Variants in RIMS2 observed in about 807,000 individuals in gnomAD.
RIMS2 encodes the protein regulating synaptic membrane exocytosis protein 2.
In RIMS2, 59 loss-of-function variants were observed where a neutral mutation model predicts 174.4. The observed-to-expected ratio is 0.34, with a 90% CI of 0.27 to 0.42. The LOEUF is 0.42. Ranked by LOEUF, RIMS2 falls within the 10% of genes least tolerant of loss-of-function variation. RIMS2 has a pLI of 1.00. For missense variants in RIMS2, 1,620 were observed against 1,666.3 expected, an observed-to-expected ratio of 0.97 and a Z score of 0.48; for synonymous variants, 606 against 572.5, an observed-to-expected ratio of 1.06 and a Z score of -0.84.
intron 1 of RIMS2, among the ~76,000 whole-genome samples, chr8:103,520,763 G>A (rs1194084983): frequency 6.6e-6 from 1 of 151,972 alleles, no homozygotes; most frequent in African/African-American, 2.4e-5. Context: ...CGAAATAATA[G>A]TATTCTTAAG....
chr8:103,510,277 A>T (rs13257474), intron 1 of RIMS2, among the ~76,000 whole-genome samples: 27,668 of 152,090 alleles, frequency 0.18, 2,762 homozygotes, highest in African/African-American at 0.26. Flanking sequence ...GCTCACATTC[A>T]TCTTGTTTTG....
chr8:103,666,965 T>C (rs2096678362), intron 1 of RIMS2, among the ~76,000 whole-genome samples: 1 of 152,150 alleles, frequency 6.6e-6, no homozygotes, highest in African/African-American at 2.4e-5. Flanking sequence ...ATTCTATAGA[T>C]GACTGTATGC....
chr8:103,538,025 G>A (rs1174484712), intron 1 of RIMS2, among the ~76,000 whole-genome samples: 1 of 152,068 alleles, frequency 6.6e-6, no homozygotes. Context: ...GTTTACTGTA[G>A]TATGAGATAT....
chr8:104,223,574 A>C, intron 19 of RIMS2: 1 of 1,471,152 alleles, frequency 6.8e-7, no homozygotes, highest in African/African-American at 1.4e-5. Flanking sequence ...CTGGTCCCGG[A>C]ACCGCTGCGG....
intron 1 of RIMS2, among the ~76,000 whole-genome samples, chr8:103,503,730 A>G (rs1178321074): frequency 6.6e-6 from 1 of 152,026 alleles, no homozygotes; most frequent in Non-Finnish European, 1.5e-5. Flanking sequence ...TTAAGTATTC[A>G]TGCAAAGTGG....
chr8:104,014,705 C>A, intron 19 of RIMS2, 90 bp downstream of exon 21: 1 of 692,380 alleles, frequency 1.4e-6, no homozygotes, highest in South Asian at 1.9e-5. Flanking sequence ...TGTTAATTTT[C>A]TTCTTTTGTT....
intron 19 of RIMS2, among the ~76,000 whole-genome samples, chr8:104,119,793 C>T (rs1354339474): frequency 1.3e-5 from 2 of 152,160 alleles, no homozygotes; most frequent in South Asian, 4.1e-4. Flanking sequence ...GCTGCAGTCT[C>T]ACTCAAAATA....
intron 2 of RIMS2, among the ~76,000 whole-genome samples, chr8:103,717,138 C>CTTTTTTTTTTTTTTTTTTTTTTT (rs11373218): frequency 8.8e-6 from 1 of 113,108 alleles, no homozygotes. Context: ...ATAGTGCCTT[C>CTTTTTTTTTTTTTTTTTTTTTTT]TTTTTTTTTT....
intron 3 of RIMS2, among the ~76,000 whole-genome samples, chr8:103,802,428 C>A (rs564582420): frequency 3.9e-4 from 59 of 152,116 alleles, no homozygotes; most frequent in Non-Finnish European, 4.4e-5. Context: ...GCTGACTTCT[C>A]ACCCACCTTT....
At chr8:104,196,823 T>C (rs1230971524) in intron 19 of RIMS2, among the ~76,000 whole-genome samples, 1 of 152,154 alleles carries the variant, frequency 6.6e-6, no homozygotes, top group African/African-American at 2.4e-5. Context: ...AAGTTTTAAG[T>C]TGCAAAAAAG....
chr8:103,837,314 T>A (rs554778379), intron 3 of RIMS2, among the ~76,000 whole-genome samples: 3 of 152,262 alleles, frequency 2.0e-5, no homozygotes, highest in Non-Finnish European at 4.4e-5. Flanking sequence ...TTCGCAGTTA[T>A]GCACTGATGT....
At chr8:103,952,540 G>A (rs1477905453) in intron 14 of RIMS2, among the ~76,000 whole-genome samples, 5 of 152,170 alleles carry the variant, frequency 3.3e-5, no homozygotes, top group South Asian at 2.1e-4. Flanking sequence ...GAAGGAAACC[G>A]ACAAACAGAA....
intron 19 of RIMS2, among the ~76,000 whole-genome samples, chr8:104,173,720 C>T (rs2098846636): frequency 6.9e-6 from 1 of 143,906 alleles, no homozygotes; most frequent in Admixed American, 7.1e-5. Context: ...GCTCCACCTC[C>T]CGGGTTCACG....
chr8:104,163,801 T>A (rs535554198), intron 19 of RIMS2, among the ~76,000 whole-genome samples: 2 of 152,306 alleles, frequency 1.3e-5, no homozygotes, highest in Admixed American at 1.3e-4. Flanking sequence ...GCTTTTTACT[T>A]GAAATTTCAT....
chr8:103,834,676 TTTTCTTTCTTTCTTTCTTTCTTTC>T (rs71297240), intron 3 of RIMS2, among the ~76,000 whole-genome samples: 9,318 of 120,014 alleles, frequency 0.078, 483 homozygotes, highest in East Asian at 0.24. Flanking sequence ...TCTGAGGTCT[TTTTCTTTCTTTCTTTCTTTCTTTC>T]TTTCTTTCTT....
intron 2 of RIMS2, among the ~76,000 whole-genome samples, chr8:103,713,361 A>C (rs982044941): frequency 6.6e-6 from 1 of 152,074 alleles, no homozygotes; most frequent in Non-Finnish European, 1.5e-5. Flanking sequence ...AATACATTAG[A>C]ATACTGCTGA....
intron 19 of RIMS2, among the ~76,000 whole-genome samples, chr8:104,098,780 G>A (rs1340488606): frequency 6.6e-6 from 1 of 152,164 alleles, no homozygotes; most frequent in Non-Finnish European, 1.5e-5. Flanking sequence ...CAAAGTCACT[G>A]CTGCTAACAT....
At chr8:103,991,365 T>C (rs1288588390) in intron 17 of RIMS2, among the ~76,000 whole-genome samples, 2 of 151,652 alleles carry the variant, frequency 1.3e-5, no homozygotes, top group South Asian at 2.1e-4. Flanking sequence ...ATTTCTAATA[T>C]TATTTATCTG....
chr8:103,613,853 T>TGG (rs1480611404), intron 1 of RIMS2, among the ~76,000 whole-genome samples: 3 of 152,160 alleles, frequency 2.0e-5, no homozygotes, highest in African/African-American at 7.2e-5. Flanking sequence ...GGGTCAGGAA[T>TGG]GGGGGCCTCA....
Sources: allele counts gnomAD v4.1 joint callset (sites outside exome capture counted in the v4.1 genomes callset), GRCh38; gene constraint gnomAD v4.1.1; transcripts MANE v1.5; gene names NCBI Gene and HGNC (gene_info 2026-07-23, HGNC 2026-07-21).